NHSL1: variants seen among roughly 807,000 people sequenced by gnomAD.
NHSL1 encodes NHS like 1.
A neutral mutation model predicts 95.0 loss-of-function variants in NHSL1; 48 were observed. The ratio of observed to expected loss-of-function variants is 0.51; its 90% CI spans 0.40 to 0.64. The LOEUF is 0.64. Ranked by LOEUF, NHSL1 falls within the 30% of genes least tolerant of loss-of-function variation. The probability of loss-of-function intolerance (pLI) is 0.00; values close to 1 mark genes in which losing one functional copy is unlikely to be tolerated. For synonymous variants in NHSL1, 783 were observed against 833.9 expected, an observed-to-expected ratio of 0.94 and a Z score of 1.05; for missense variants, 1,971 against 2,077.7, an observed-to-expected ratio of 0.95 and a Z score of 1.00.
chr6:138,486,834 C>T (rs1779759367), intron 2 of NHSL1, among the ~76,000 whole-genome samples: 1 of 152,182 alleles, frequency 6.6e-6, no homozygotes, highest in Non-Finnish European at 1.5e-5. Context: ...GATAAACATG[C>T]AAACACAATT....
At chr6:138,556,356 T>C (rs1783195422) in intron 1 of NHSL1, among the ~76,000 whole-genome samples, 1 of 152,138 alleles carries the variant, frequency 6.6e-6, no homozygotes, top group Non-Finnish European at 1.5e-5. Flanking sequence ...AATTCTTCAA[T>C]GTTTAGAGAA....
intron 1 of NHSL1, among the ~76,000 whole-genome samples, chr6:138,643,683 A>T (rs1162809212): frequency 6.6e-6 from 1 of 152,336 alleles, no homozygotes; most frequent in African/African-American, 2.4e-5. Context: ...TACTATTTTA[A>T]CAGAATTGGA....
chr6:138,507,678 G>A (rs1781029197), intron 1 of NHSL1, among the ~76,000 whole-genome samples: 1 of 152,206 alleles, frequency 6.6e-6, no homozygotes, highest in Non-Finnish European at 1.5e-5. Flanking sequence ...CTCATGAAGA[G>A]TTATTTTAAC....
At chr6:138,490,765 C>A (rs1780026885) in intron 2 of NHSL1, among the ~76,000 whole-genome samples, 2 of 152,118 alleles carry the variant, frequency 1.3e-5, no homozygotes, top group Admixed American at 1.3e-4. Context: ...CCTGAGAAGG[C>A]TGGGACTACA....
intron 1 of NHSL1, chr6:138,650,117 A>T (rs2114705719): frequency 1.9e-6 from 1 of 528,900 alleles, no homozygotes; most frequent in East Asian, 5.3e-5. Context: ...GCGGGAGCAC[A>T]TCTGGTTGTT....
intron 1 of NHSL1, among the ~76,000 whole-genome samples, chr6:138,505,736 G>A (rs1780927754): frequency 6.6e-6 from 1 of 151,864 alleles, no homozygotes; most frequent in African/African-American, 2.4e-5. Flanking sequence ...GGAGAAAGGG[G>A]AAATAAAAGT....
intron 1 of NHSL1, among the ~76,000 whole-genome samples, chr6:138,596,736 C>T (rs1159092585): frequency 1.3e-5 from 2 of 151,874 alleles, no homozygotes; most frequent in East Asian, 1.9e-4. Flanking sequence ...TTTAAGTTCA[C>T]GTCCGTTTCT....
chr6:138,662,946 T>TA (rs1314226279), intron 1 of NHSL1, among the ~76,000 whole-genome samples: 151 of 140,174 alleles, frequency 1.1e-3, no homozygotes, highest in South Asian at 8.5e-3. Flanking sequence ...AAACCCCCTT[T>TA]AAAAAAAAAA....
intron 1 of NHSL1, among the ~76,000 whole-genome samples, chr6:138,555,992 G>C (rs909680545): frequency 1.3e-5 from 2 of 152,008 alleles, no homozygotes; most frequent in Non-Finnish European, 2.9e-5. Context: ...TATCTCGGAG[G>C]TTCCTTCCAG....
intron 2 of NHSL1, among the ~76,000 whole-genome samples, chr6:138,488,169 T>G (rs1360809903): frequency 6.6e-6 from 1 of 152,014 alleles, no homozygotes; most frequent in African/African-American, 2.4e-5. Context: ...TCCCAGCTAC[T>G]TGGGATGCTG....
intron 2 of NHSL1, among the ~76,000 whole-genome samples, chr6:138,474,143 G>A (rs1454005792): frequency 2.6e-5 from 4 of 152,244 alleles, no homozygotes; most frequent in Non-Finnish European, 5.9e-5. Flanking sequence ...CTGTGCTGGC[G>A]GCTCTCATGG....
At chr6:138,477,218 T>C (rs965786243) in intron 2 of NHSL1, among the ~76,000 whole-genome samples, 1 of 152,196 alleles carries the variant, frequency 6.6e-6, no homozygotes, top group Non-Finnish European at 1.5e-5. Context: ...TTCACAAATA[T>C]AGAGAGAAGT....
rs918863296 is a variant in NHSL1 at position 138,432,622 on chromosome 6, A to G, written c.1723T>C (p.Tyr575His). 6.4e-7 allele frequency: 1 copy of G among 1,551,632 alleles called. No individual in the cohort carries two copies. The highest frequency in any genetic ancestry group is 1.4e-5 in the African/African-American group (1 of 73,042). ...PLKPHLATPGYSTPTSNMSSC... is the reference protein window; with the variant it reads ...PLKPHLATPGHSTPTSNMSSC... ...CTCATGTTACTTGTGGGAGTGGAAT[A>G]GCCAGGAGTTGCTAAATGCGGCTTC... The change falls in exon 6 of 8, where the codon TAT becomes CAT. Residue 575 changes from tyrosine (Y) to histidine (H), a missense_variant. By Grantham distance (83) the Tyr-to-His change is moderately conservative (BLOSUM62 2). This residue lies in a region of NHSL1 where 1,602 missense variants were observed against 1,654.5 expected (regional missense o/e 0.97). Transcript: ENST00000343505. This position sits in a 1 kb window ranked among gnomAD's most constrained non-coding sequence, Gnocchi z 4.4.
intron 1 of NHSL1, among the ~76,000 whole-genome samples, chr6:138,649,103 G>T (rs868581890): frequency 6.6e-6 from 1 of 152,118 alleles, no homozygotes; most frequent in Non-Finnish European, 1.5e-5. Context: ...AAGTGTATAC[G>T]CTACACTTCA....
chr6:138,572,714 C>G (rs375954673), upstream of NHSL1, among the ~76,000 whole-genome samples: 1 of 152,238 alleles, frequency 6.6e-6, no homozygotes, highest in Admixed American at 6.5e-5. Context: ...GCTCAAACTT[C>G]TGAACTTTAG....
At position 138,664,630 on chromosome 6, in the gene NHSL1, G is replaced by A. The variant is rs149195928; in HGVS notation, c.96+27846C>T. Among the ~76,000 whole-genome samples the A allele has an allele frequency of 6.7e-3, 1,014 of 152,278 alleles. 20 individuals carry two copies. The highest frequency in any genetic ancestry group is 0.056 in the South Asian group (269 of 4,824). The stretch of plus-strand genomic sequence containing the variant: ...AAATCTGTATTAGTCAAGGTCTTCC[G>A]GAGAAACAGAACGAATATGACACAA... On this transcript the variant is annotated intron_variant, in intron 1 of 3. Coordinates refer to the NHSL1 transcript ENST00000491526.
Position 138,439,735 on chromosome 6 carries a change from C to T in NHSL1, c.664+2248G>A, listed in dbSNP as rs115108474. Among the ~76,000 whole-genome samples, 703 of 152,214 alleles carry T rather than the reference C, an allele frequency of 4.6e-3. 7 individuals are homozygous for T. Among genetic ancestry groups the T allele is most frequent in the African/African-American group, 0.016 (668 of 41,506 alleles). On this transcript the variant is annotated intron_variant, in intron 5 of 7. Coordinates refer to ENST00000343505, the MANE Select transcript of NHSL1 (RefSeq NM_001144060.2). ...TTCTAATCCAGGTCATGTCATCGACCGTAATGATATTGACTGTCTCGTGTC... is the reference window on the plus strand; with the variant it reads ...TTCTAATCCAGGTCATGTCATCGACTGTAATGATATTGACTGTCTCGTGTC...
At chr6:138,437,147 G>A (rs1413680406) in intron 5 of NHSL1, among the ~76,000 whole-genome samples, 1 of 151,386 alleles carries the variant, frequency 6.6e-6, no homozygotes, top group African/African-American at 2.4e-5. Context: ...GGTGGCACAT[G>A]CCTATAATCC....
At chr6:138,541,351 A>G (rs907301443) in intron 1 of NHSL1, among the ~76,000 whole-genome samples, 3 of 152,186 alleles carry the variant, frequency 2.0e-5, no homozygotes, top group South Asian at 4.1e-4. Flanking sequence ...TGGGCAACAG[A>G]GCGAGACTCT....
Sources: allele counts gnomAD v4.1 joint callset (sites outside exome capture counted in the v4.1 genomes callset), GRCh38; gene constraint gnomAD v4.1.1; regional missense constraint gnomAD v4.1.1; non-coding constraint Gnocchi (gnomAD v3.1); transcripts MANE v1.5; gene names NCBI Gene and HGNC (gene_info 2026-07-23, HGNC 2026-07-21).